SCFD2: variants seen among roughly 807,000 people sequenced by gnomAD.
The protein encoded by SCFD2 is sec1 family domain containing 2, also known as sec1 family domain-containing protein 2.
A neutral mutation model predicts 58.9 loss-of-function variants in SCFD2; 54 were observed. That is an observed-to-expected ratio of 0.92 (90% CI 0.74 to 1.15). The LOEUF is 1.15. Ranked by LOEUF, SCFD2 falls within the 50% of genes most tolerant of loss-of-function variation. The pLI, the probability that SCFD2 is intolerant of heterozygous loss-of-function variation, is 0.00. For synonymous variants in SCFD2, 321 were observed against 335.9 expected (o/e 0.96, Z 0.49); for missense variants, 805 against 836.6 (o/e 0.96, Z 0.47).
chr4:52,886,757 T>C (rs140999544), intron 7 of SCFD2, among the ~76,000 whole-genome samples: 92 of 152,370 alleles, frequency 6.0e-4, no homozygotes, highest in African/African-American at 2.0e-3. Context: ...GTCTGTGAAC[T>C]CATTGACCAG....
Position 52,920,735 on chromosome 4 carries a change from T to A in SCFD2, c.1697A>T (p.His566Leu). 1 of 1,602,860 alleles carries A rather than the reference T, an allele frequency of 6.2e-7. No individual in the cohort carries two copies. Among genetic ancestry groups the A allele is most frequent in the Non-Finnish European group, 8.5e-7 (1 of 1,174,384 alleles). The change falls in exon 6 of 9, where the codon CAT becomes CTT. Residue 566 changes from histidine (H) to leucine (L), a missense_variant. By Grantham distance (99) the His-to-Leu change is moderately conservative. Coordinates refer to ENST00000401642, the MANE Select transcript of SCFD2 (RefSeq NM_152540.4). ...QFKSVYVPGN[H>L]THQASYKPLL... The stretch of plus-strand genomic sequence containing the variant: ...AACGTATATACTTGCCTGGTGGGTA[T>A]GATTTCCAGGAACATATACAGACTT...
At chr4:53,011,670 C>G (rs146266138) in intron 5 of SCFD2, among the ~76,000 whole-genome samples, 3 of 152,178 alleles carry the variant, frequency 2.0e-5, no homozygotes, top group Non-Finnish European at 4.4e-5. Context: ...CAAATAGAAA[C>G]CAGCTGCACT....
At chr4:53,358,635 C>T (rs1734466075) in intron 1 of SCFD2, among the ~76,000 whole-genome samples, 1 of 151,908 alleles carries the variant, frequency 6.6e-6, no homozygotes, top group African/African-American at 2.4e-5. Flanking sequence ...CCCATCGTTA[C>T]CACCATCTCC....
chr4:53,131,872 T>C (rs946329958), intron 5 of SCFD2, among the ~76,000 whole-genome samples: 3 of 152,256 alleles, frequency 2.0e-5, no homozygotes, highest in African/African-American at 7.2e-5. Flanking sequence ...GTATCTAATG[T>C]AGAGTTAACA....
rs191365355 is a variant in SCFD2, at chr4:53,210,280, G to C, written c.1311+63546C>G. ...GTGTTGATACAAAGAGGCTCAGAAGGGCTTAACACAGGAGTGTGGCTGGAA... is the reference window on the plus strand; with the variant it reads ...GTGTTGATACAAAGAGGCTCAGAAGCGCTTAACACAGGAGTGTGGCTGGAA... On this transcript the variant is annotated intron_variant, in intron 4 of 8. Coordinates refer to ENST00000401642, the MANE Select transcript of SCFD2 (RefSeq NM_152540.4). Among the ~76,000 whole-genome samples, 145 of 152,154 alleles carry C rather than the reference G, an allele frequency of 9.5e-4. 1 individual carries two copies. Among genetic ancestry groups the C allele is most frequent in the Middle Eastern group, 3.4e-3 (1 of 294 alleles).
intron 4 of SCFD2, among the ~76,000 whole-genome samples, chr4:53,207,497 A>AATT (rs1228412139): frequency 0.01 from 468 of 45,640 alleles, 57 homozygotes; most frequent in African/African-American, 0.034. Flanking sequence ...TATATTTCAT[A>AATT]TATATATATT....
chr4:53,271,435 CTTTATTTATTTATTTATTTA>C (rs10524620), intron 4 of SCFD2, among the ~76,000 whole-genome samples: 1 of 139,448 alleles, frequency 7.2e-6, no homozygotes, highest in Non-Finnish European at 1.5e-5. Context: ...ACATACATCA[CTTTATTTATTTATTTATTTA>C]TTTATTTATT....
chr4:53,319,832 G>A (rs557009637), intron 2 of SCFD2, among the ~76,000 whole-genome samples: 4 of 152,092 alleles, frequency 2.6e-5, no homozygotes, highest in African/African-American at 4.8e-5. Flanking sequence ...AGGCCCACCC[G>A]TCTCTACTTA....
At chr4:52,917,764 T>C (rs1719642147) in intron 6 of SCFD2, among the ~76,000 whole-genome samples, 2 of 152,314 alleles carry the variant, frequency 1.3e-5, no homozygotes, top group Admixed American at 1.3e-4. Context: ...AGATTTTATA[T>C]GCTCGATGTA....
chr4:52,962,679 G>A (rs1405018191), intron 5 of SCFD2, among the ~76,000 whole-genome samples: 4 of 151,846 alleles, frequency 2.6e-5, no homozygotes, highest in Non-Finnish European at 4.4e-5. Context: ...TTAGAGGGGG[G>A]CAGCATTACT....
chr4:53,046,550 T>G (rs992923442), intron 5 of SCFD2, among the ~76,000 whole-genome samples: 25 of 152,058 alleles, frequency 1.6e-4, no homozygotes, highest in Admixed American at 7.2e-4. Flanking sequence ...TTTTTTTTTT[T>G]TGTGATATCC....
chr4:53,115,664 T>C (rs2148887993), intron 5 of SCFD2, among the ~76,000 whole-genome samples: 1 of 152,296 alleles, frequency 6.6e-6, no homozygotes, highest in Non-Finnish European at 1.5e-5. Flanking sequence ...TCTTTTACTT[T>C]TATTACTGAC....
chr4:52,903,361 A>G (rs1719269614), intron 7 of SCFD2, among the ~76,000 whole-genome samples: 1 of 152,122 alleles, frequency 6.6e-6, no homozygotes, highest in African/African-American at 2.4e-5. Context: ...AGCTGCTGGA[A>G]AGGAGGGTCA....
In SCFD2 at chr4:53,033,831, A is replaced by T. The variant is rs1560307886; in HGVS notation, c.1561+111502T>A. Among the ~76,000 whole-genome samples the T allele has an allele frequency of 3.3e-5, 5 of 152,114 alleles. No homozygotes were observed. In the South Asian group the frequency reaches 1.0e-3, roughly 31 times the overall value. On this transcript the variant is annotated intron_variant, in intron 5 of 8. Coordinates refer to ENST00000401642, the MANE Select transcript of SCFD2 (RefSeq NM_152540.4). The stretch of plus-strand genomic sequence containing the variant: ...GAAATTGAGGCAATAACAGCCACCC[A>T]ACCAAAAAAAGTCCAGGACCAGACA...
At chr4:53,158,295 A>G (rs564630900) in intron 4 of SCFD2, among the ~76,000 whole-genome samples, 59 of 152,322 alleles carry the variant, frequency 3.9e-4, no homozygotes, top group African/African-American at 1.3e-3. Context: ...TAACACGTAA[A>G]TACATATCTC....
At position 53,057,865 on chromosome 4, in the gene SCFD2, G is replaced by A. The variant is rs139846794; in HGVS notation, c.1561+87468C>T. 2.1e-4 allele frequency among the ~76,000 whole-genome samples: 32 copies of A among 152,144 alleles called. No homozygotes were observed. In the South Asian group the frequency reaches 5.6e-3, roughly 27 times the overall value. ...GCTGTGTTAGCAGCCAAAATGTAACGTTACCAACACCAGCATCTGGCAGGG... is the reference window on the plus strand; with the variant it reads ...GCTGTGTTAGCAGCCAAAATGTAACATTACCAACACCAGCATCTGGCAGGG... On this transcript the variant is annotated intron_variant, in intron 5 of 8. Coordinates refer to ENST00000401642, the MANE Select transcript of SCFD2 (RefSeq NM_152540.4).
At chr4:53,024,079 C>G (rs1722412054) in intron 5 of SCFD2, among the ~76,000 whole-genome samples, 1 of 152,060 alleles carries the variant, frequency 6.6e-6, no homozygotes, top group South Asian at 2.1e-4. Context: ...TAGAAACAAC[C>G]AACCAATGGA....
chr4:53,076,961 T>C (rs1723995269), intron 5 of SCFD2, among the ~76,000 whole-genome samples: 1 of 152,180 alleles, frequency 6.6e-6, no homozygotes, highest in Non-Finnish European at 1.5e-5. Context: ...CAAGTAAAGG[T>C]CTAGGAATAC....
chr4:53,047,564 T>C (rs186621803), intron 5 of SCFD2, among the ~76,000 whole-genome samples: 1 of 152,376 alleles, frequency 6.6e-6, no homozygotes, highest in Admixed American at 6.5e-5. Flanking sequence ...TCCTCTCACC[T>C]GTACCACGCA....
Sources: allele counts gnomAD v4.1 joint callset (sites outside exome capture counted in the v4.1 genomes callset), GRCh38; gene constraint gnomAD v4.1.1; transcripts MANE v1.5; gene names NCBI Gene and HGNC (gene_info 2026-07-23, HGNC 2026-07-21).